The following MCTP1 variants were observed in gnomAD, a reference collection of about 807,000 sequenced individuals.
The protein encoded by MCTP1 is multiple C2 and transmembrane domain containing 1, also known as multiple C2 and transmembrane domain-containing protein 1.
A neutral mutation model predicts 120.6 loss-of-function variants in MCTP1; 69 were observed. The observed-to-expected ratio is 0.57, with a 90% CI of 0.47 to 0.70. MCTP1 has a LOEUF of 0.70. Among genes scored for constraint, MCTP1 ranks in the 30% least tolerant of loss-of-function variants. MCTP1 has a pLI of 0.00. For missense variants in MCTP1, 1,203 were observed against 1,248.8 expected (o/e 0.96, Z 0.55); for synonymous variants, 529 against 493.1 (o/e 1.07, Z -0.96).
At chr5:95,037,435 T>C (rs1236546281) in intron 1 of MCTP1, among the ~76,000 whole-genome samples, 1 of 152,200 alleles carries the variant, frequency 6.6e-6, no homozygotes, top group Non-Finnish European at 1.5e-5. Flanking sequence ...GAAGGAAATA[T>C]AACAACATGT....
At chr5:94,754,413 C>T (rs966277562) in intron 19 of MCTP1, among the ~76,000 whole-genome samples, 1 of 152,240 alleles carries the variant, frequency 6.6e-6, no homozygotes, top group African/African-American at 2.4e-5. Flanking sequence ...TCTGCATCCA[C>T]AGAGTTTTAA....
intron 1 of MCTP1, among the ~76,000 whole-genome samples, chr5:95,153,201 C>T (rs12514908): frequency 0.026 from 4,016 of 152,154 alleles, 86 homozygotes; most frequent in Admixed American, 0.039. Context: ...TGAGTTCTCA[C>T]GAGATCTGAT....
At chr5:95,008,876 T>C (rs1260451221) in intron 2 of MCTP1, among the ~76,000 whole-genome samples, 1 of 152,022 alleles carries the variant, frequency 6.6e-6, no homozygotes, top group African/African-American at 2.4e-5. Context: ...GTGTCAAGAA[T>C]TCTCCCAGAT....
At chr5:95,267,962 C>T (rs1265725160) in intron 1 of MCTP1, among the ~76,000 whole-genome samples, 2 of 152,248 alleles carry the variant, frequency 1.3e-5, no homozygotes, top group South Asian at 2.1e-4. Context: ...CTTCCCTCCA[C>T]CCTGAAGAAA....
intron 1 of MCTP1, among the ~76,000 whole-genome samples, chr5:95,124,792 T>C (rs1758501567): frequency 6.6e-6 from 1 of 152,246 alleles, no homozygotes; most frequent in Admixed American, 6.5e-5. Flanking sequence ...TCACTAGGAA[T>C]ATAAAAAGTG....
intron 1 of MCTP1, among the ~76,000 whole-genome samples, chr5:95,034,532 T>C (rs1206966985): frequency 2.0e-5 from 3 of 152,038 alleles, no homozygotes; most frequent in African/African-American, 4.8e-5. Flanking sequence ...TACAGAAGAA[T>C]GAAACTGGAC....
intron 1 of MCTP1, among the ~76,000 whole-genome samples, chr5:95,183,243 G>A (rs1463767308): frequency 6.6e-6 from 1 of 151,774 alleles, no homozygotes; most frequent in African/African-American, 2.4e-5. Flanking sequence ...GCATCTTTAT[G>A]AAAAATAATA....
At chr5:95,219,336 C>A (rs990899477) in intron 1 of MCTP1, among the ~76,000 whole-genome samples, 1 of 147,070 alleles carries the variant, frequency 6.8e-6, no homozygotes, top group Non-Finnish European at 1.5e-5. Flanking sequence ...GAGCCAAGAT[C>A]GCGTCACTGC....
At chr5:95,080,598 G>A (rs1463817686) in intron 1 of MCTP1, among the ~76,000 whole-genome samples, 1 of 152,084 alleles carries the variant, frequency 6.6e-6, no homozygotes, top group Non-Finnish European at 1.5e-5. Flanking sequence ...CCTTAAATAT[G>A]AGTATGCAAA....
intron 21 of MCTP1, chr5:94,710,182 A>C (rs1267276107): frequency 1.3e-5 from 2 of 152,138 alleles, no homozygotes; most frequent in Non-Finnish European, 2.9e-5. Flanking sequence ...AAAAAGAAGA[A>C]TGCTGCAACT....
intron 1 of MCTP1, among the ~76,000 whole-genome samples, chr5:95,196,217 G>C (rs1288321918): frequency 6.6e-6 from 1 of 152,114 alleles, no homozygotes; most frequent in East Asian, 1.9e-4. Flanking sequence ...TTATACTAGA[G>C]AAAACAAAGT....
intron 1 of MCTP1, among the ~76,000 whole-genome samples, chr5:95,242,294 A>G (rs1324339724): frequency 6.6e-6 from 1 of 152,138 alleles, no homozygotes; most frequent in Non-Finnish European, 1.5e-5. Flanking sequence ...GTGGAAAACT[A>G]TTATCCAAAC....
chr5:94,763,196 T>A (rs1289696389), intron 19 of MCTP1, among the ~76,000 whole-genome samples: 1 of 152,238 alleles, frequency 6.6e-6, no homozygotes, highest in African/African-American at 2.4e-5. Context: ...TTCCTTCTTA[T>A]TCCAGTCTGT....
chr5:95,093,711 C>T (rs1756017842), intron 1 of MCTP1, among the ~76,000 whole-genome samples: 1 of 152,190 alleles, frequency 6.6e-6, no homozygotes, highest in Non-Finnish European at 1.5e-5. Context: ...TTTTGTTCCA[C>T]ATGCTGTTCT....
At chr5:95,069,498 G>C (rs1393391895) in intron 1 of MCTP1, among the ~76,000 whole-genome samples, 1 of 145,256 alleles carries the variant, frequency 6.9e-6, no homozygotes, top group Non-Finnish European at 1.5e-5. Context: ...GCTACATTTT[G>C]ATGACACAGG....
intron 1 of MCTP1, among the ~76,000 whole-genome samples, chr5:95,060,381 G>A (rs995158575): frequency 1.3e-5 from 2 of 152,174 alleles, no homozygotes; most frequent in African/African-American, 4.8e-5. Flanking sequence ...GGGTTAAACA[G>A]GATATGGGCT....
chr5:94,981,912 G>A (rs1220774062), intron 2 of MCTP1, among the ~76,000 whole-genome samples: 1 of 152,126 alleles, frequency 6.6e-6, no homozygotes, highest in Non-Finnish European at 1.5e-5. Context: ...TTTTCTTCAA[G>A]TAAATTAAAA....
At chr5:95,272,433 T>C (rs1001001884) in intron 1 of MCTP1, among the ~76,000 whole-genome samples, 1 of 152,058 alleles carries the variant, frequency 6.6e-6, no homozygotes, top group Non-Finnish European at 1.5e-5. Flanking sequence ...CACAACACAG[T>C]TCCATAGGCT....
intron 14 of MCTP1, 68 bp from the exon 15 acceptor site, chr5:94,871,041 T>A: frequency 1.6e-6 from 2 of 1,274,706 alleles, no homozygotes; most frequent in Non-Finnish European, 2.3e-6. Flanking sequence ...TCAGTGACCT[T>A]TGACCCCCAG....
Sources: gnomAD v4.1 joint callset for allele counts (sites outside exome capture counted in the v4.1 genomes callset) on GRCh38, gnomAD v4.1.1 for gene constraint, MANE v1.5 for transcripts, NCBI Gene and HGNC (gene_info 2026-07-23, HGNC 2026-07-21) for gene names.